LRRIQ1: variants seen among roughly 807,000 people sequenced by gnomAD.
LRRIQ1 encodes the protein leucine rich repeats and IQ motif containing 1, also known as leucine-rich repeat- and IQ domain-containing protein 1.
LRRIQ1 carries 210 observed loss-of-function variants against 211.9 expected under a neutral mutation model. The ratio of observed to expected loss-of-function variants is 0.99; its 90% CI spans 0.89 to 1.11. The LOEUF (loss-of-function observed/expected upper bound fraction) is 1.11. LRRIQ1 is among the 50% of genes most tolerant of loss of function. The pLI, the probability that LRRIQ1 is intolerant of heterozygous loss-of-function variation, is 0.00. For synonymous variants in LRRIQ1, 699 were observed against 650.1 expected (o/e 1.08, Z -1.14); for missense variants, 2,136 against 1,939.5 (o/e 1.10, Z -1.90).
chr12:85,037,250 G>T (rs537545506), intron 1 of LRRIQ1, among the ~76,000 whole-genome samples: 3 of 152,118 alleles, frequency 2.0e-5, no homozygotes, highest in East Asian at 1.9e-4. Context: ...TTGGACAGGG[G>T]TGATCTAATG....
At chr12:85,169,397 A>G (rs899978723) in intron 24 of LRRIQ1, among the ~76,000 whole-genome samples, 1 of 152,136 alleles carries the variant, frequency 6.6e-6, no homozygotes, top group Non-Finnish European at 1.5e-5. Flanking sequence ...TTTTAATGTG[A>G]TATGATAGCT....
intron 24 of LRRIQ1, among the ~76,000 whole-genome samples, chr12:85,197,890 TA>T (rs1305890578): frequency 5.6e-5 from 7 of 126,054 alleles, no homozygotes; most frequent in South Asian, 2.3e-4. Flanking sequence ...TAAAACATAA[TA>T]AAAATATAAT....
rs148450512 is a variant in LRRIQ1, at chr12:85,169,891, T to C, written c.4822+9177T>C. Among the ~76,000 whole-genome samples, 1,033 of 152,290 alleles carry C rather than the reference T, an allele frequency of 6.8e-3. 6 individuals are homozygous for C. Among genetic ancestry groups the C allele is most frequent in the Middle Eastern group, 0.02 (6 of 294 alleles). On this transcript the variant is annotated intron_variant, in intron 24 of 26. Coordinates refer to ENST00000393217, the MANE Select transcript of LRRIQ1 (RefSeq NM_001079910.2). ...GTGCCAGTAGTATATTGGTTCTCAA[T>C]AAATATATGATTAAGAAAGAATGTA...
At chr12:85,207,184 A>C (rs1893602595) in intron 24 of LRRIQ1, among the ~76,000 whole-genome samples, 1 of 152,120 alleles carries the variant, frequency 6.6e-6, no homozygotes, top group Non-Finnish European at 1.5e-5. Context: ...AATAAATCCC[A>C]GTACACAGTA....
chr12:85,245,873 A>C (rs920082006), downstream of LRRIQ1, among the ~76,000 whole-genome samples: 14 of 150,882 alleles, frequency 9.3e-5, no homozygotes, highest in African/African-American at 3.2e-4. Context: ...ATAGTTACAT[A>C]TATACATATA....
At chr12:85,227,657 A>T (rs954396434) in intron 24 of LRRIQ1, among the ~76,000 whole-genome samples, 1 of 152,142 alleles carries the variant, frequency 6.6e-6, no homozygotes, top group Non-Finnish European at 1.5e-5. Context: ...TCTTCACAGA[A>T]ATGGAAAAAC....
intron 19 of LRRIQ1, among the ~76,000 whole-genome samples, chr12:85,146,041 T>A (rs1280097783): frequency 6.6e-6 from 1 of 151,738 alleles, no homozygotes; most frequent in Admixed American, 6.6e-5. Context: ...GTTCATGCAA[T>A]TAAGGTTACT....
At chr12:85,106,802 G>A (rs912954635) in intron 15 of LRRIQ1, among the ~76,000 whole-genome samples, 187 bp downstream of exon 15, 4 of 152,064 alleles carry the variant, frequency 2.6e-5, no homozygotes, top group Admixed American at 2.0e-4. Context: ...TAATTTTCTT[G>A]CACATGTGTG....
Position 85,072,690 on chromosome 12 carries a change from T to G in LRRIQ1, c.2696-217T>G, listed in dbSNP as rs150500375. Among the ~76,000 whole-genome samples, 346 of 152,122 alleles carry G rather than the reference T, an allele frequency of 2.3e-3. 2 individuals are homozygous for G. Among genetic ancestry groups the G allele is most frequent in the East Asian group, 4.1e-3 (21 of 5,170 alleles). On this transcript the variant is annotated intron_variant, in intron 10 of 26. Coordinates refer to ENST00000393217, the MANE Select transcript of LRRIQ1 (RefSeq NM_001079910.2). ...AATGCCTTTGAAACTAAATTCTACCTTGTCCGATATGGTTTATTTTTATTT... is the reference window on the plus strand; with the variant it reads ...AATGCCTTTGAAACTAAATTCTACCGTGTCCGATATGGTTTATTTTTATTT...
intron 24 of LRRIQ1, among the ~76,000 whole-genome samples, chr12:85,163,168 A>G (rs981279307): frequency 6.6e-6 from 1 of 152,150 alleles, no homozygotes; most frequent in Non-Finnish European, 1.5e-5. Context: ...TGCCTCCTGA[A>G]CCCAATTCTT....
chr12:85,094,628 G>GT (rs559755833), intron 11 of LRRIQ1, among the ~76,000 whole-genome samples: 8 of 151,768 alleles, frequency 5.3e-5, no homozygotes, highest in East Asian at 1.9e-4. Context: ...TTTTAGAATA[G>GT]TTTTTTTTCT....
At chr12:85,151,945 T>TA (rs1890269683) in intron 19 of LRRIQ1, among the ~76,000 whole-genome samples, 1 of 151,754 alleles carries the variant, frequency 6.6e-6, no homozygotes, top group South Asian at 2.1e-4. Context: ...GTGTAAGAGC[T>TA]AAAAAAATGA....
chr12:85,199,295 G>A (rs1159525201), intron 24 of LRRIQ1, among the ~76,000 whole-genome samples: 1 of 152,102 alleles, frequency 6.6e-6, no homozygotes, highest in African/African-American at 2.4e-5. Context: ...TGTATCTGGT[G>A]TAAGGAAGGG....
At chr12:85,050,119 G>A (rs1880123031) in intron 6 of LRRIQ1, among the ~76,000 whole-genome samples, 2 of 152,074 alleles carry the variant, frequency 1.3e-5, no homozygotes, top group Admixed American at 6.5e-5. Flanking sequence ...TTATCACCAA[G>A]GGGATGGTCA....
chr12:85,093,586 A>C (rs907459248), intron 11 of LRRIQ1, among the ~76,000 whole-genome samples: 1 of 152,144 alleles, frequency 6.6e-6, no homozygotes, highest in African/African-American at 2.4e-5. Flanking sequence ...ATTTTAGAAA[A>C]CACCCACCAC....
chr12:85,085,914 C>CT lies in LRRIQ1; in HGVS notation c.2888-12436dup, dbSNP rs1884768345. The stretch of plus-strand genomic sequence containing the variant: ...ACAATGAACATACAAGTGCAGATAT[C>CT]TTTTTGGTGGAATGATTTACTTTCC... On this transcript the variant is annotated intron_variant, in intron 11 of 26. Coordinates refer to ENST00000393217, the MANE Select transcript of LRRIQ1 (RefSeq NM_001079910.2). Among the ~76,000 whole-genome samples, 3 of 152,106 alleles carry CT rather than the reference C, an allele frequency of 2.0e-5. No homozygotes were observed. In the South Asian group the frequency reaches 6.2e-4, roughly 32 times the overall value.
intron 8 of LRRIQ1, among the ~76,000 whole-genome samples, chr12:85,058,853 A>C (rs66617212): frequency 0.22 from 33,309 of 151,782 alleles, 4,331 homozygotes; most frequent in Admixed American, 0.31. Context: ...GAGTGGACTA[A>C]TCTGAGTAGC....
At chr12:85,270,157 C>T in the LRRIQ1 span, among the ~76,000 whole-genome samples, 4 of 152,012 alleles carry the variant, frequency 2.6e-5, no homozygotes, top group Non-Finnish European at 1.5e-5. Context: ...CATGTCCACT[C>T]ATAGCAGCAT....
At chr12:85,262,866 G>T in intron 1 of LRRIQ1, 6 of 855,808 alleles carry the variant, frequency 7.0e-6, no homozygotes, top group Non-Finnish European at 7.0e-6. Flanking sequence ...AAAATATAAT[G>T]TATTTGGTTC....
Sources: gnomAD v4.1 joint callset for allele counts (sites outside exome capture counted in the v4.1 genomes callset) on GRCh38, gnomAD v4.1.1 for gene constraint, MANE v1.5 for transcripts, NCBI Gene and HGNC (gene_info 2026-07-23, HGNC 2026-07-21) for gene names.